Variants in DAGLA observed in about 807,000 individuals in gnomAD.
DAGLA encodes the protein diacylglycerol lipase alpha, also known as diacylglycerol lipase-alpha.
A neutral mutation model predicts 102.6 loss-of-function variants in DAGLA; 22 were observed. The observed-to-expected ratio is 0.21, with a 90% CI of 0.15 to 0.31. DAGLA has a LOEUF of 0.31. DAGLA is among the 10% of genes least tolerant of loss of function. The pLI, the probability that DAGLA is intolerant of heterozygous loss-of-function variation, is 1.00. For missense variants in DAGLA, 927 were observed against 1,446.6 expected (o/e 0.64, Z 5.83); for synonymous variants, 578 against 628.9 (o/e 0.92, Z 1.21).
intron 1 of DAGLA, among the ~76,000 whole-genome samples, chr11:61,699,610 C>T (rs1359639988): frequency 3.3e-5 from 5 of 152,366 alleles, no homozygotes; most frequent in Middle Eastern, 3.4e-3. Context: ...GGCCTAGGTC[C>T]GCCTCACCCT....
At chr11:61,687,015 C>A (rs1052545690) in intron 1 of DAGLA, among the ~76,000 whole-genome samples, 1 of 152,152 alleles carries the variant, frequency 6.6e-6, no homozygotes, top group African/African-American at 2.4e-5. Flanking sequence ...AGGCTTTGCT[C>A]AGCCACAAAA....
intron 15 of DAGLA, 68 bp downstream of exon 15, chr11:61,737,823 C>A: frequency 7.6e-7 from 1 of 1,311,124 alleles, no homozygotes; most frequent in Non-Finnish European, 1.1e-6. Context: ...CCTCTCCCCA[C>A]CCCCAGCCCC....
rs538659114 is a variant in DAGLA, at chr11:61,738,823, C to T, written c.1656+616C>T. Among the ~76,000 whole-genome samples, 4 of 152,208 alleles carry T rather than the reference C, an allele frequency of 2.6e-5. No homozygotes were observed. In the East Asian group the frequency reaches 7.7e-4, roughly 29 times the overall value. On this transcript the variant is annotated intron_variant, in intron 16 of 19. Transcript: ENST00000257215. ...CCTCTGTGTGGTCACCCCTCCTCAC[C>T]CCCTGCCCCCCGCCCCCTGCCCCGG...
At chr11:61,717,604 A>C (rs1217447143) in intron 1 of DAGLA, among the ~76,000 whole-genome samples, 3 of 152,228 alleles carry the variant, frequency 2.0e-5, no homozygotes, top group African/African-American at 7.2e-5. Context: ...GGCACGACTA[A>C]TAAGTCACAC....
intron 15 of DAGLA, 123 bp from the exon 16 acceptor site, chr11:61,738,012 C>A: frequency 1.3e-6 from 1 of 795,066 alleles, no homozygotes; most frequent in Non-Finnish European, 2.1e-6. Flanking sequence ...ACCCCGTGAC[C>A]CTGGCTGACG....
chr11:61,718,634 C>T (rs1171654098), intron 1 of DAGLA, among the ~76,000 whole-genome samples: 1 of 149,456 alleles, frequency 6.7e-6, no homozygotes, highest in African/African-American at 2.5e-5. Flanking sequence ...CCACCATGCT[C>T]CCTCACTCTC....
intron 1 of DAGLA, among the ~76,000 whole-genome samples, chr11:61,701,973 C>T (rs549593179): frequency 7.2e-4 from 110 of 152,184 alleles, no homozygotes; most frequent in Non-Finnish European, 1.1e-3. Context: ...ACAGGTTCCC[C>T]GTATGTTGCC....
Position 61,726,121 on chromosome 11 carries a change from T to C in DAGLA, c.636+39T>C, listed in dbSNP as rs1257645950. On this transcript the variant is annotated intron_variant, in intron 6 of 19. Coordinates refer to ENST00000257215, the MANE Select transcript of DAGLA (RefSeq NM_006133.3). ...GGTCGCTCCCCTCTGGCTCACATCCTGTGGTCAGGTGATTAAGGGGCTGTT... is the reference window on the plus strand; with the variant it reads ...GGTCGCTCCCCTCTGGCTCACATCCCGTGGTCAGGTGATTAAGGGGCTGTT... The C allele has an allele frequency of 4.4e-6, 7 of 1,582,494 alleles. No individual in the cohort carries two copies. The South Asian group carries it at 7.7e-5, about 17-fold the overall frequency.
intron 1 of DAGLA, among the ~76,000 whole-genome samples, chr11:61,681,977 A>C (rs1251241133): frequency 1.3e-5 from 2 of 152,136 alleles, no homozygotes; most frequent in African/African-American, 2.4e-5. Flanking sequence ...GTGGTAGAAG[A>C]ATCACAGGGT....
chr11:61,689,606 G>A (rs186294568), intron 1 of DAGLA, among the ~76,000 whole-genome samples: 75 of 151,910 alleles, frequency 4.9e-4, no homozygotes, highest in African/African-American at 1.6e-3. Flanking sequence ...CTGGGTTCAC[G>A]CCATTCTCCT....
rs755837075 is a variant in DAGLA, at chr11:61,728,138, T to C, written c.637-15T>C. The C allele has an allele frequency of 1.2e-6, 2 of 1,613,624 alleles. No homozygotes were observed. The highest frequency in any genetic ancestry group is 3.3e-5 in the Admixed American group (2 of 59,992). ...GCTCCCCTGCCACTGCCTCCTGCCT[T>C]CCTGGACCTCGTAGGATGCCTACTC... On this transcript the variant is annotated splice_polypyrimidine_tract_variant and intron_variant, in intron 6 of 19. Transcript: ENST00000257215.
At chr11:61,738,107 T>C (rs369051526) in intron 15 of DAGLA, 28 bp from the exon 16 acceptor site, 221 of 1,602,268 alleles carry the variant, frequency 1.4e-4, no homozygotes, top group Non-Finnish European at 1.8e-4. Context: ...CAGGCCTGGC[T>C]GACGGCCCTG....
intron 1 of DAGLA, among the ~76,000 whole-genome samples, chr11:61,714,698 G>A (rs186292335): frequency 5.9e-5 from 9 of 152,316 alleles, no homozygotes; most frequent in Non-Finnish European, 1.3e-4. Flanking sequence ...TGGATATCAC[G>A]GGAAGAGCTA....
chr11:61,691,911 A>T (rs558056332), intron 1 of DAGLA, among the ~76,000 whole-genome samples: 1 of 152,336 alleles, frequency 6.6e-6, no homozygotes, highest in Non-Finnish European at 1.5e-5. Context: ...AGGAGGTGAC[A>T]TGAGATGATG....
At chr11:61,696,761 C>T (rs901896814) in intron 1 of DAGLA, among the ~76,000 whole-genome samples, 22 of 152,212 alleles carry the variant, frequency 1.4e-4, no homozygotes, top group Middle Eastern at 3.4e-3. Flanking sequence ...AGCGAGCAGG[C>T]AGCGGCAGGC....
At chr11:61,700,709 G>T (rs2065103350) in intron 1 of DAGLA, among the ~76,000 whole-genome samples, 1 of 152,192 alleles carries the variant, frequency 6.6e-6, no homozygotes, top group Non-Finnish European at 1.5e-5. Flanking sequence ...CTCCCTCCCT[G>T]CAGTCCTGCA....
Position 61,728,143 on chromosome 11 carries a change from G to A in DAGLA, c.637-10G>A, listed in dbSNP as rs557972255. ...CCTGCCACTGCCTCCTGCCTTCCTGGACCTCGTAGGATGCCTACTCAGAAA... is the reference window on the plus strand; with the variant it reads ...CCTGCCACTGCCTCCTGCCTTCCTGAACCTCGTAGGATGCCTACTCAGAAA... On this transcript the variant is annotated splice_polypyrimidine_tract_variant and intron_variant, in intron 6 of 19. Coordinates refer to ENST00000257215, the MANE Select transcript of DAGLA (RefSeq NM_006133.3). 14 of 1,613,750 alleles carry A rather than the reference G, an allele frequency of 8.7e-6. No homozygotes were observed. The East Asian group carries it at 3.1e-4, about 36-fold the overall frequency.
chr11:61,706,655 G>A (rs1419728855), intron 1 of DAGLA, among the ~76,000 whole-genome samples: 2 of 152,190 alleles, frequency 1.3e-5, no homozygotes, highest in Non-Finnish European at 2.9e-5. Context: ...AGCAGCCGGC[G>A]GCCACTGAAG....
chr11:61,741,457 G>A (rs981183444), intron 19 of DAGLA, 108 bp downstream of exon 19: 53 of 1,244,990 alleles, frequency 4.3e-5, no homozygotes, highest in Non-Finnish European at 5.5e-5. Context: ...CTCTGCACAC[G>A]TGCACAGGAG....
Sources: gnomAD v4.1 joint callset for allele counts (sites outside exome capture counted in the v4.1 genomes callset) on GRCh38, gnomAD v4.1.1 for gene constraint, MANE v1.5 for transcripts, NCBI Gene and HGNC (gene_info 2026-07-23, HGNC 2026-07-21) for gene names.